SPTAN1: variants seen among roughly 807,000 people sequenced by gnomAD.
SPTAN1 encodes the protein spectrin alpha chain, non-erythrocytic 1.
Under a neutral mutation model 331.3 loss-of-function variants are expected in SPTAN1, and 61 were observed. That is an observed-to-expected ratio of 0.18 (90% CI 0.15 to 0.23). The LOEUF (loss-of-function observed/expected upper bound fraction) is 0.23, where lower values mean the gene tolerates loss of function less well. Ranked by LOEUF, SPTAN1 falls within the 10% of genes least tolerant of loss-of-function variation. The pLI is 1.00. For missense variants in SPTAN1, 2,043 were observed against 3,147.9 expected, an observed-to-expected ratio of 0.65 and a Z score of 8.40; for synonymous variants, 1,153 against 1,173.9, an observed-to-expected ratio of 0.98 and a Z score of 0.36.
At chr9:128,609,776 A>G in intron 37 of SPTAN1, 111 bp downstream of exon 37, 1 of 685,002 alleles carries the variant, frequency 1.5e-6, no homozygotes, top group Admixed American at 3.6e-5. Flanking sequence ...GTGTCTCTTC[A>G]TCCATCCTTT....
intron 40 of SPTAN1, 39 bp from the exon 41 acceptor site, chr9:128,615,593 G>A (rs370227601): frequency 8.7e-6 from 14 of 1,608,068 alleles, no homozygotes; most frequent in African/African-American, 1.3e-5. Context: ...ATAGCTGTGG[G>A]AGACCCAGTT....
rs1589216896 is a variant in SPTAN1, at chr9:128,583,867, A to G, written c.2091A>G (p.Val697=). 2.5e-6 allele frequency: 4 copies of G among 1,614,230 alleles called. No individual in the cohort carries two copies. The highest frequency in any genetic ancestry group is 2.5e-6 in the Non-Finnish European group (3 of 1,180,044). The change falls in exon 16 of 57, where the codon GTA becomes GTG. Residue 697 remains valine (V), a synonymous_variant. Coordinates refer to ENST00000372739, the MANE Select transcript of SPTAN1 (RefSeq NM_001130438.3). ...VEDIELWLYE[V]EGHLASDDYG... Reference sequence around the variant, plus strand: ...ATATTGAATTGTGGCTATATGAAGTAGAAGGTCACTTGGCTTCGGATGATT... The same window carrying G: ...ATATTGAATTGTGGCTATATGAAGTGGAAGGTCACTTGGCTTCGGATGATT...
chr9:128,560,533 A>C lies in SPTAN1; in HGVS notation c.-3-6205A>C, dbSNP rs568783589. 2.6e-5 allele frequency among the ~76,000 whole-genome samples: 4 copies of C among 152,078 alleles called. No individual in the cohort carries two copies. In the South Asian group the frequency reaches 8.3e-4, roughly 32 times the overall value. ...GTAGATGGGACTACAGGCATGTGCC[A>C]CCACACCCAGCTAATTTTGGTATTT... On this transcript the variant is annotated intron_variant, in intron 1 of 56. Coordinates refer to ENST00000372739, the MANE Select transcript of SPTAN1 (RefSeq NM_001130438.3).
intron 3 of SPTAN1, among the ~76,000 whole-genome samples, chr9:128,571,769 C>G (rs1402159886): frequency 6.6e-6 from 1 of 152,168 alleles, no homozygotes; most frequent in Non-Finnish European, 1.5e-5. Context: ...ATTTGAGTAA[C>G]TTGCCCAAAG....
At chr9:128,566,448 A>G (rs1410520282) in intron 1 of SPTAN1, among the ~76,000 whole-genome samples, 1 of 152,202 alleles carries the variant, frequency 6.6e-6, no homozygotes, top group African/African-American at 2.4e-5. Context: ...TAGAATTGAC[A>G]GTACAAACCA....
Position 128,605,449 on chromosome 9 carries a change from G to T in SPTAN1, c.4018G>T (p.Asp1340Tyr). Residue 1340 changes from aspartate (D) to tyrosine (Y), a missense_variant, in exon 31 of 57, where the codon GAC becomes TAC. By Grantham distance (160) the Asp-to-Tyr change is radical. Coordinates refer to ENST00000372739, the MANE Select transcript of SPTAN1 (RefSeq NM_001130438.3). ...CAAGGCAAAGTTGGGTGACTCCCAC[G>T]ACCTGCAGCGCTTCCTTAGCGATTT... ...QRKAKLGDSH[D>Y]LQRFLSDFRD... 6.2e-7 allele frequency: 1 copy of T among 1,614,156 alleles called. No individual in the cohort carries two copies. Among genetic ancestry groups the T allele is most frequent in the South Asian group, 1.1e-5 (1 of 91,080 alleles).
rs191494910 is a variant in SPTAN1 at position 128,623,294 on chromosome 9, C to T, written c.5833-1034C>T. ...TATGTTATGTTGCCCAGGCTGGTCT[C>T]CAACTCCTGGGCTCAAGTGATTCTC... On this transcript the variant is annotated intron_variant, in intron 45 of 56. Coordinates refer to ENST00000372739, the MANE Select transcript of SPTAN1 (RefSeq NM_001130438.3). 7.0e-4 allele frequency among the ~76,000 whole-genome samples: 106 copies of T among 151,530 alleles called. No homozygotes were observed. The Middle Eastern group carries it at 0.014, about 19-fold the overall frequency.
intron 45 of SPTAN1, among the ~76,000 whole-genome samples, 174 bp from the exon 46 acceptor site, chr9:128,624,154 A>T (rs964320978): frequency 2.7e-5 from 4 of 150,720 alleles, no homozygotes; most frequent in African/African-American, 7.3e-5. Context: ...TATTTGTGTG[A>T]AGCCTTTGAC....
chr9:128,581,018 C>G lies in SPTAN1; in HGVS notation c.1420C>G (p.Arg474Gly). ...GTGCATGGACCTGCAGCTCTTCTAC[C>G]GGGACACTGAGCAGGTGGACAACTG... ...EQCMDLQLFY[R>G]DTEQVDNWMS... is the part of the protein sequence containing the mutation. The change falls in exon 11 of 57, where the codon CGG (arginine) becomes GGG (glycine). Residue 474 changes from arginine (R) to glycine (G), a missense_variant. Transcript: ENST00000372739. 1 of 1,614,074 alleles carries G rather than the reference C, an allele frequency of 6.2e-7. No homozygotes were observed. The highest frequency in any genetic ancestry group is 1.1e-5 in the South Asian group (1 of 91,080).
rs968306388 is a variant in SPTAN1, at chr9:128,577,884, A to T, written c.1086-226A>T. ...AAGGAAGTTGAAAATGTGGGACAGGATTGGGGCATTATAGTGATGGAGAGA... is the reference window on the plus strand; with the variant it reads ...AAGGAAGTTGAAAATGTGGGACAGGTTTGGGGCATTATAGTGATGGAGAGA... On this transcript the variant is annotated intron_variant, in intron 8 of 56. Transcript: ENST00000372739. This position sits in a 1 kb window ranked among gnomAD's most constrained non-coding sequence, Gnocchi z 4.2. Among the ~76,000 whole-genome samples, 51 of 54,996 alleles carry T rather than the reference A, an allele frequency of 9.3e-4. No homozygotes were observed. Among genetic ancestry groups the T allele is most frequent in the Non-Finnish European group, 7.0e-4 (9 of 12,878 alleles). 36.1% of individuals were successfully genotyped at this position (54,996 alleles called of 152,430 possible).
chr9:128,605,595 G>A, intron 31 of SPTAN1, 118 bp downstream of exon 31: 1 of 1,346,662 alleles, frequency 7.4e-7, no homozygotes, highest in Non-Finnish European at 1.0e-6. Context: ...TATAATCCAA[G>A]CACTTTGGGG....
intron 26 of SPTAN1, 48 bp from the exon 27 acceptor site, chr9:128,600,032 T>C (rs1167897447): frequency 1.2e-6 from 2 of 1,609,656 alleles, no homozygotes; most frequent in African/African-American, 2.7e-5. Context: ...AGGTGCTTTG[T>C]TTCATGGTCA....
intron 44 of SPTAN1, 144 bp from the exon 45 acceptor site, chr9:128,621,014 C>T (rs889576187): frequency 3.9e-5 from 28 of 726,288 alleles, no homozygotes; most frequent in South Asian, 3.5e-4. Context: ...TATTAATGTT[C>T]CTCTTTATTA....
At chr9:128,626,058 A>C in intron 48 of SPTAN1, 80 bp downstream of exon 48, 3 of 1,543,112 alleles carry the variant, frequency 1.9e-6, no homozygotes, top group Non-Finnish European at 2.7e-6. Context: ...CAGCTCTGCC[A>C]CTCCCCCTTG....
chr9:128,599,136 T>C (rs1854711294), intron 26 of SPTAN1, 150 bp downstream of exon 26: 1 of 832,990 alleles, frequency 1.2e-6, no homozygotes, highest in Non-Finnish European at 2.1e-6. Context: ...ACTCCAAAAA[T>C]TGATTTCTTT....
At chr9:128,580,742 G>A (rs781287793) in intron 10 of SPTAN1, among the ~76,000 whole-genome samples, 180 bp from the exon 11 acceptor site, 1 of 152,112 alleles carries the variant, frequency 6.6e-6, no homozygotes, top group Non-Finnish European at 1.5e-5. Flanking sequence ...ATTAAAACAG[G>A]CCATCCCTTT....
chr9:128,578,107 T>A lies in SPTAN1; in HGVS notation c.1086-3T>A. 6.2e-7 allele frequency: 1 copy of A among 1,614,154 alleles called. No homozygotes were observed. Among genetic ancestry groups the A allele is most frequent in the South Asian group, 1.1e-5 (1 of 91,076 alleles). ...CATAATGTCTTCCTTTGGTTTTCCC[T>A]AGGCTTCAACGCTTCCTTGCTGACT... On this transcript the variant is annotated splice_polypyrimidine_tract_variant and splice_region_variant and intron_variant, in intron 8 of 56. Coordinates refer to ENST00000372739, the MANE Select transcript of SPTAN1 (RefSeq NM_001130438.3).
At chr9:128,588,766 C>T (rs757829826) in intron 20 of SPTAN1, 43 bp from the exon 21 acceptor site, 11 of 1,611,946 alleles carry the variant, frequency 6.8e-6, no homozygotes, top group East Asian at 4.5e-5. Context: ...TGACTCAGCG[C>T]GGACGTGTTT....
In SPTAN1 at chr9:128,632,938, A is replaced by G. The variant is rs2132107869; in HGVS notation, c.7291A>G (p.Lys2431Glu). The G allele has an allele frequency of 1.2e-6, 2 of 1,612,918 alleles. No individual in the cohort carries two copies. Among genetic ancestry groups the G allele is most frequent in the South Asian group, 1.1e-5 (1 of 91,090 alleles). The change falls in exon 56 of 57, where the codon AAG becomes GAG. Residue 2431 changes from lysine to glutamate, a missense_variant. Lys to Glu is a moderately conservative substitution (Grantham distance 56). Coordinates refer to ENST00000372739, the MANE Select transcript of SPTAN1 (RefSeq NM_001130438.3). Reference sequence around the variant, plus strand: ...CTCAGAGGGAAAGCCTTACGTGACCAAGGAGGAGCTCTACCAGGTATGGGC... The same window carrying G: ...CTCAGAGGGAAAGCCTTACGTGACCGAGGAGGAGCTCTACCAGGTATGGGC... ...LSSEGKPYVT[K>E]EELYQNLTRE...
Sources: gnomAD v4.1 joint callset for allele counts (sites outside exome capture counted in the v4.1 genomes callset) on GRCh38, gnomAD v4.1.1 for gene constraint, Gnocchi (gnomAD v3.1) non-coding constraint, MANE v1.5 for transcripts, NCBI Gene and HGNC (gene_info 2026-07-23, HGNC 2026-07-21) for gene names.